KLHL29: variants seen among roughly 807,000 people sequenced by gnomAD.
The protein encoded by KLHL29 is kelch like family member 29.
A neutral mutation model predicts 80.4 loss-of-function variants in KLHL29; 21 were observed. The observed-to-expected ratio is 0.26, with a 90% CI of 0.19 to 0.38. KLHL29 has a LOEUF of 0.38. Among genes scored for constraint, KLHL29 ranks in the 10% least tolerant of loss-of-function variants. KLHL29 has a pLI of 1.00. For synonymous variants in KLHL29, 511 were observed against 526.8 expected, an observed-to-expected ratio of 0.97 and a Z score of 0.41; for missense variants, 867 against 1,223.9, an observed-to-expected ratio of 0.71 and a Z score of 4.35.
At chr2:23,613,245 T>C (rs2103531249) in intron 3 of KLHL29, among the ~76,000 whole-genome samples, 1 of 152,296 alleles carries the variant, frequency 6.6e-6, no homozygotes, top group African/African-American at 2.4e-5. Context: ...ATCAAATGTA[T>C]ATGCTCTAAC....
intron 2 of KLHL29, among the ~76,000 whole-genome samples, chr2:23,499,972 T>C (rs1665390203): frequency 1.3e-5 from 2 of 152,224 alleles, no homozygotes; most frequent in African/African-American, 4.8e-5. Context: ...TTTGCTTTGG[T>C]TTTAGCGTTG....
At chr2:23,630,074 C>T (rs1222870041) in intron 3 of KLHL29, among the ~76,000 whole-genome samples, 5 of 152,308 alleles carry the variant, frequency 3.3e-5, no homozygotes, top group African/African-American at 1.2e-4. Context: ...ACGTGAAATG[C>T]TCCCGTATTT....
At chr2:23,602,519 G>T (rs1393710261) in intron 3 of KLHL29, among the ~76,000 whole-genome samples, 1 of 152,154 alleles carries the variant, frequency 6.6e-6, no homozygotes, top group Non-Finnish European at 1.5e-5. Context: ...AGCCACAACA[G>T]GGGTAGGGGG....
chr2:23,677,069 T>C (rs1199116643), intron 5 of KLHL29, among the ~76,000 whole-genome samples: 2 of 152,186 alleles, frequency 1.3e-5, no homozygotes, highest in African/African-American at 4.8e-5. Flanking sequence ...GAAGGGAATA[T>C]TTCTGTTAAT....
chr2:23,523,822 C>A, intron 2 of KLHL29: 1 of 350,910 alleles, frequency 2.8e-6, no homozygotes, highest in South Asian at 2.3e-5. Flanking sequence ...GGCCTTGTCC[C>A]CAGCAAAGAC....
In KLHL29 at chr2:23,642,538, C is replaced by G. The variant is rs1669799262; in HGVS notation, c.628C>G (p.Pro210Ala). 1.3e-6 allele frequency: 2 copies of G among 1,540,224 alleles called. No homozygotes were observed. The highest frequency in any genetic ancestry group is 1.8e-6 in the Non-Finnish European group (2 of 1,139,000). ...MPGHYSLPQP[P>A]SQPLSSVVVN... ...AGGCCACTACTCGCTCCCTCAGCCG[C>G]CCTCTCAGCCACTGAGCAGCGTGGT... is the stretch of plus-strand genomic sequence containing the variant. Residue 210 changes from proline to alanine, a missense_variant, in exon 5 of 14, where the codon CCC (proline) becomes GCC (alanine). By Grantham distance (27) the Pro-to-Ala change is conservative. Around this residue, in one of 2 missense-constraint regions of KLHL29, gnomAD observed 424 missense variants for 456.9 expected, o/e 0.93. Transcript: ENST00000486442.
At chr2:23,436,316 GTGTGTGTGTGTGTGTC>G (rs1180625542) in intron 1 of KLHL29, among the ~76,000 whole-genome samples, 1 of 150,010 alleles carries the variant, frequency 6.7e-6, no homozygotes, top group Non-Finnish European at 1.5e-5. Context: ...GTGTGTGTGT[GTGTGTGTGTGTGTGTC>G]TCAGCACCAG....
intron 5 of KLHL29, among the ~76,000 whole-genome samples, chr2:23,677,991 G>GGACT (rs748005623): frequency 6.6e-6 from 1 of 152,178 alleles, no homozygotes; most frequent in Non-Finnish European, 1.5e-5. Flanking sequence ...CTGATTTAAT[G>GGACT]GACTTCTCTG....
intron 2 of KLHL29, among the ~76,000 whole-genome samples, chr2:23,531,672 G>A (rs185242594): frequency 7.1e-4 from 108 of 152,038 alleles, no homozygotes; most frequent in African/African-American, 2.6e-3. Context: ...CGCAAGTCCT[G>A]GTACCCAAGA....
At chr2:23,466,321 A>G (rs746274928) in intron 1 of KLHL29, among the ~76,000 whole-genome samples, 1 of 152,260 alleles carries the variant, frequency 6.6e-6, no homozygotes, top group Non-Finnish European at 1.5e-5. Context: ...TAAAATATAA[A>G]TAAGCCTTTA....
intron 1 of KLHL29, among the ~76,000 whole-genome samples, chr2:23,425,598 A>G (rs1323520356): frequency 6.6e-6 from 1 of 152,168 alleles, no homozygotes; most frequent in Non-Finnish European, 1.5e-5. Flanking sequence ...GTGTGGGGAT[A>G]GGGAGTGAGC....
chr2:23,693,126 G>A, intron 7 of KLHL29, 143 bp from the exon 8 acceptor site: 2 of 967,080 alleles, frequency 2.1e-6, no homozygotes, highest in East Asian at 2.7e-5. Context: ...CACCCAGGAA[G>A]GGGGCCTGCA....
intron 1 of KLHL29, among the ~76,000 whole-genome samples, chr2:23,458,215 C>G (rs1170955473): frequency 1.3e-5 from 2 of 152,200 alleles, no homozygotes; most frequent in Non-Finnish European, 2.9e-5. Flanking sequence ...AGCTTGCCCA[C>G]TTGCTCATTA....
At chr2:23,476,006 G>A (rs1664631144) in intron 2 of KLHL29, among the ~76,000 whole-genome samples, 1 of 152,160 alleles carries the variant, frequency 6.6e-6, no homozygotes, top group Non-Finnish European at 1.5e-5. Context: ...AGCCTCCCAA[G>A]TAGCTGGGAC....
At chr2:23,445,325 C>T (rs1303212315) in intron 1 of KLHL29, among the ~76,000 whole-genome samples, 1 of 152,106 alleles carries the variant, frequency 6.6e-6, no homozygotes, top group African/African-American at 2.4e-5. Context: ...ATTTCATACT[C>T]ATTCTTATTT....
chr2:23,409,151 C>T (rs2103393783), intron 1 of KLHL29, among the ~76,000 whole-genome samples: 1 of 152,258 alleles, frequency 6.6e-6, no homozygotes, highest in African/African-American at 2.4e-5. Flanking sequence ...CATCACTTTC[C>T]CCATTGGTGA....
intron 2 of KLHL29, among the ~76,000 whole-genome samples, chr2:23,477,622 C>T (rs913186404): frequency 6.6e-6 from 1 of 152,228 alleles, no homozygotes; most frequent in Non-Finnish European, 1.5e-5. Flanking sequence ...GCCCATGGCA[C>T]CACTGGTGGG....
chr2:23,490,598 G>A (rs1349186178), intron 2 of KLHL29, among the ~76,000 whole-genome samples: 1 of 152,042 alleles, frequency 6.6e-6, no homozygotes, highest in Non-Finnish European at 1.5e-5. Context: ...CAATACCATG[G>A]GGGAAAAAAC....
At chr2:23,501,192 G>A (rs73919715) in intron 2 of KLHL29, among the ~76,000 whole-genome samples, 19 of 152,168 alleles carry the variant, frequency 1.2e-4, no homozygotes, top group African/African-American at 4.3e-4. Context: ...ACTCTTCCCC[G>A]CGTGAACACG....
Sources: gnomAD v4.1 joint callset for allele counts (sites outside exome capture counted in the v4.1 genomes callset) on GRCh38, gnomAD v4.1.1 for gene constraint, gnomAD v4.1.1 regional missense constraint, MANE v1.5 for transcripts, NCBI Gene and HGNC (gene_info 2026-07-23, HGNC 2026-07-21) for gene names.